The following GLIS3 variants were observed in gnomAD, a reference collection of about 807,000 sequenced individuals.
The protein encoded by GLIS3 is GLIS family zinc finger 3, also known as zinc finger protein GLIS3.
GLIS3 carries 53 observed loss-of-function variants against 78.6 expected under a neutral mutation model. The observed-to-expected ratio is 0.67, with a 90% confidence interval of 0.54 to 0.85. GLIS3 has a LOEUF of 0.85. Among genes scored for constraint, GLIS3 ranks in the 40% least tolerant of loss-of-function variants. The pLI, the probability that GLIS3 is intolerant of heterozygous loss-of-function variation, is 0.00. For missense variants in GLIS3, 1,703 were observed against 1,231.1 expected (o/e 1.38, Z -5.74); for synonymous variants, 684 against 509.9 (o/e 1.34, Z -4.60).
chr9:3,845,771 G>A (rs1475382074), intron 9 of GLIS3, among the ~76,000 whole-genome samples: 1 of 152,118 alleles, frequency 6.6e-6, no homozygotes, highest in Non-Finnish European at 1.5e-5. Flanking sequence ...ACACAGTGGG[G>A]TAATCCCATT....
At chr9:3,987,620 C>T (rs957044362) in intron 4 of GLIS3, among the ~76,000 whole-genome samples, 4 of 150,438 alleles carry the variant, frequency 2.7e-5, no homozygotes, top group African/African-American at 9.8e-5. Flanking sequence ...GCACTTGAAC[C>T]CAGGAGGCAG....
At chr9:4,049,145 A>C (rs575484444) in intron 4 of GLIS3, among the ~76,000 whole-genome samples, 1 of 152,320 alleles carries the variant, frequency 6.6e-6, no homozygotes, top group Admixed American at 6.5e-5. Context: ...ACATCTAATA[A>C]CAACAACAGC....
chr9:3,962,959 G>GA (rs1491289941), intron 4 of GLIS3, among the ~76,000 whole-genome samples: 1 of 134,280 alleles, frequency 7.4e-6, no homozygotes, highest in Non-Finnish European at 1.6e-5. Flanking sequence ...GGGGGGGGGG[G>GA]AGAGAGATTT....
At chr9:4,127,676 T>C (rs1832675637) in intron 2 of GLIS3, among the ~76,000 whole-genome samples, 1 of 152,140 alleles carries the variant, frequency 6.6e-6, no homozygotes, top group South Asian at 2.1e-4. Flanking sequence ...CCTAGTCCAG[T>C]ATATAAGACT....
At chr9:3,870,291 C>T (rs1189600556) in intron 8 of GLIS3, among the ~76,000 whole-genome samples, 2 of 151,982 alleles carry the variant, frequency 1.3e-5, no homozygotes, top group Non-Finnish European at 2.9e-5. Flanking sequence ...AATTCAATAC[C>T]AGAAAGAACT....
At chr9:4,222,547 T>C (rs536303225) in intron 2 of GLIS3, among the ~76,000 whole-genome samples, 1 of 152,344 alleles carries the variant, frequency 6.6e-6, no homozygotes, top group South Asian at 2.1e-4. Context: ...AGACTTTGCT[T>C]AACCCCATGG....
chr9:4,180,338 A>G (rs1292793890), intron 2 of GLIS3, among the ~76,000 whole-genome samples: 3 of 152,324 alleles, frequency 2.0e-5, no homozygotes, highest in Non-Finnish European at 1.5e-5. Flanking sequence ...ATTTAGTCGC[A>G]AGAGGAAGTA....
At chr9:4,098,360 T>C (rs888552734) in intron 4 of GLIS3, among the ~76,000 whole-genome samples, 1 of 152,106 alleles carries the variant, frequency 6.6e-6, no homozygotes, top group Non-Finnish European at 1.5e-5. Flanking sequence ...CTGGAAATAA[T>C]GAATGGAGGA....
chr9:4,275,030 T>C (rs1219378886), intron 2 of GLIS3, among the ~76,000 whole-genome samples: 3 of 152,238 alleles, frequency 2.0e-5, no homozygotes, highest in Non-Finnish European at 4.4e-5. Flanking sequence ...TACAAGCCAC[T>C]ATCTATTGTG....
At chr9:4,254,916 G>T (rs1301975638) in intron 2 of GLIS3, among the ~76,000 whole-genome samples, 1 of 151,500 alleles carries the variant, frequency 6.6e-6, no homozygotes, top group East Asian at 1.9e-4. Context: ...AGAAGCCACA[G>T]ACTAAGAGAA....
intron 2 of GLIS3, among the ~76,000 whole-genome samples, chr9:4,204,538 T>A (rs180983598): frequency 2.0e-5 from 3 of 152,090 alleles, no homozygotes; most frequent in East Asian, 3.9e-4. Flanking sequence ...GGAACTAACG[T>A]ATGACAGTCC....
intron 4 of GLIS3, among the ~76,000 whole-genome samples, chr9:3,973,192 G>A (rs1272681696): frequency 6.6e-6 from 1 of 152,190 alleles, no homozygotes; most frequent in East Asian, 1.9e-4. Flanking sequence ...TTCTCAGAGT[G>A]TGATATCCTC....
intron 8 of GLIS3, among the ~76,000 whole-genome samples, chr9:3,869,699 T>C (rs1320897759): frequency 6.6e-6 from 1 of 152,210 alleles, no homozygotes; most frequent in African/African-American, 2.4e-5. Flanking sequence ...ATTCCCCTCA[T>C]TGGTCTTTTA....
intron 7 of GLIS3, among the ~76,000 whole-genome samples, chr9:3,890,676 A>C (rs1204751706): frequency 2.0e-5 from 3 of 152,172 alleles, no homozygotes; most frequent in African/African-American, 7.2e-5. Flanking sequence ...CTGGAGATCC[A>C]GAACTGGAGT....
the GLIS3 span, among the ~76,000 whole-genome samples, chr9:4,455,665 T>A: frequency 6.6e-6 from 1 of 152,198 alleles, no homozygotes; most frequent in African/African-American, 2.4e-5. Flanking sequence ...CATGAAGTGA[T>A]CAATAATGGG....
chr9:4,284,797 G>A (rs1320759700), intron 2 of GLIS3, among the ~76,000 whole-genome samples: 1 of 151,770 alleles, frequency 6.6e-6, no homozygotes, highest in Non-Finnish European at 1.5e-5. Context: ...ACGCACCTGT[G>A]GTCCCAGCTA....
At chr9:3,849,167 G>A (rs140999107) in intron 9 of GLIS3, among the ~76,000 whole-genome samples, 41 of 152,296 alleles carry the variant, frequency 2.7e-4, no homozygotes, top group African/African-American at 8.9e-4. Flanking sequence ...TGGAAAGTAC[G>A]GAAACCTAAG....
intron 2 of GLIS3, among the ~76,000 whole-genome samples, chr9:4,126,263 G>T (rs1295693108): frequency 6.6e-6 from 1 of 152,146 alleles, no homozygotes; most frequent in Middle Eastern, 3.2e-3. Context: ...AGATGGGATT[G>T]CCTGTATCAA....
At position 4,193,252 on chromosome 9, in the gene GLIS3, C is replaced by G. The variant is rs142500655; in HGVS notation, c.389-67311G>C. ...GGCTTTGAAAAATCAAAAGAAAAAT[C>G]AAATTTTGTGGCACATGAAAATTAC... is the stretch of plus-strand genomic sequence containing the variant. On this transcript the variant is annotated intron_variant, in intron 2 of 10. Coordinates refer to ENST00000381971, the MANE Select transcript of GLIS3 (RefSeq NM_001042413.2). Among the ~76,000 whole-genome samples the G allele has an allele frequency of 8.5e-5, 13 of 152,288 alleles. No homozygotes were observed. In the East Asian group the frequency reaches 1.9e-3, roughly 23 times the overall value.
Sources: allele counts gnomAD v4.1 joint callset (sites outside exome capture counted in the v4.1 genomes callset), GRCh38; gene constraint gnomAD v4.1.1; transcripts MANE v1.5; gene names NCBI Gene and HGNC (gene_info 2026-07-23, HGNC 2026-07-21).